Variants in SEPTIN2 observed in about 807,000 individuals in gnomAD.
SEPTIN2 encodes septin-2.
In SEPTIN2, 34 loss-of-function variants were observed where a neutral mutation model predicts 46.5. The observed-to-expected ratio is 0.73, with a 90% CI of 0.56 to 0.97. SEPTIN2 has a LOEUF of 0.97. SEPTIN2 is among the 50% of genes least tolerant of loss of function. The pLI, the probability that SEPTIN2 is intolerant of heterozygous loss-of-function variation, is 0.00. For synonymous variants in SEPTIN2, 175 were observed against 153.4 expected, an observed-to-expected ratio of 1.14 and a Z score of -1.04; for missense variants, 347 against 448.4, an observed-to-expected ratio of 0.77 and a Z score of 2.04.
chr2:241,343,821 C>T lies in SEPTIN2; in HGVS notation c.766C>T (p.Arg256Cys), dbSNP rs761089194. 18 of 1,614,156 alleles carry T rather than the reference C, an allele frequency of 1.1e-5. No homozygotes were observed. Among genetic ancestry groups the T allele is most frequent in the Non-Finnish European group, 1.4e-5 (17 of 1,180,028 alleles). The change falls in exon 9 of 13, where the codon CGC (arginine) becomes TGC (cysteine). Residue 256 changes from arginine to cysteine, a missense_variant. Coordinates refer to ENST00000391971, the MANE Select transcript of SEPTIN2 (RefSeq NM_004404.5). ...AGCCAAAGGAAAGAAGGTCAGAGGCCGCCTCTACCCCTGGGGTGTTGTGGA... is the reference window on the plus strand; with the variant it reads ...AGCCAAAGGAAAGAAGGTCAGAGGCTGCCTCTACCCCTGGGGTGTTGTGGA... ...IEAKGKKVRGRLYPWGVVEVE... is the reference protein window; with the variant it reads ...IEAKGKKVRGCLYPWGVVEVE...
intron 10 of SEPTIN2, among the ~76,000 whole-genome samples, chr2:241,347,532 G>C (rs1204447516): frequency 6.6e-6 from 1 of 152,178 alleles, no homozygotes; most frequent in East Asian, 1.9e-4. Flanking sequence ...CTCCTTAAAT[G>C]TGGTGACTAC....
At chr2:241,328,574 TAA>T (rs1004608825) in intron 3 of SEPTIN2, among the ~76,000 whole-genome samples, 1 of 140,474 alleles carries the variant, frequency 7.1e-6, no homozygotes, top group African/African-American at 2.6e-5. Context: ...CTGCCTTTAC[TAA>T]AAAAAAAAAT....
At chr2:241,348,466 G>T (rs987944752) in intron 11 of SEPTIN2, among the ~76,000 whole-genome samples, 9 of 152,080 alleles carry the variant, frequency 5.9e-5, no homozygotes, top group Admixed American at 1.3e-4. Context: ...CCTAACCTCA[G>T]GTGATCTGCC....
chr2:241,338,632 A>G (rs1264484879), intron 7 of SEPTIN2, among the ~76,000 whole-genome samples: 1 of 129,586 alleles, frequency 7.7e-6, no homozygotes, highest in Non-Finnish European at 1.6e-5. Flanking sequence ...TAATTAATAA[A>G]TATATATAAT....
chr2:241,316,505 G>T, intron 1 of SEPTIN2: 2 of 1,513,684 alleles, frequency 1.3e-6, no homozygotes, highest in Non-Finnish European at 1.8e-6. Flanking sequence ...ACTAGGCCCT[G>T]TCTGCGGGTA....
At chr2:241,329,870 C>T (rs1365603671) in intron 3 of SEPTIN2, among the ~76,000 whole-genome samples, 2 of 152,228 alleles carry the variant, frequency 1.3e-5, no homozygotes, top group African/African-American at 4.8e-5. Flanking sequence ...GGAAGAGCAA[C>T]AGGCTATGAC....
chr2:241,321,327 T>C (rs1390718489), intron 1 of SEPTIN2, among the ~76,000 whole-genome samples: 1 of 152,196 alleles, frequency 6.6e-6, no homozygotes, highest in Non-Finnish European at 1.5e-5. Context: ...CTACAGTGAT[T>C]ATTTGAATAT....
chr2:241,342,887 G>C, intron 7 of SEPTIN2, 105 bp from the exon 8 acceptor site: 1 of 658,652 alleles, frequency 1.5e-6, no homozygotes, highest in South Asian at 2.0e-5. Flanking sequence ...TTTGATTATT[G>C]ACATTTGTAT....
intron 3 of SEPTIN2, among the ~76,000 whole-genome samples, chr2:241,326,689 A>T (rs911978710): frequency 5.3e-5 from 8 of 152,126 alleles, no homozygotes; most frequent in Admixed American, 3.3e-4. Context: ...CTCACTCTGG[A>T]GGAAGCCAGC....
Position 241,325,975 on chromosome 2 carries a change from T to A in SEPTIN2, c.10-18T>A. The stretch of plus-strand genomic sequence containing the variant: ...ACTAAGGTGTTTATTAGTTTGTTTG[T>A]TTTTTAATCTTATTTAGCAACAGCC... On this transcript the variant is annotated intron_variant, in intron 2 of 12. Transcript: ENST00000391971. The A allele has an allele frequency of 6.2e-7, 1 of 1,607,184 alleles. No homozygotes were observed. The highest frequency in any genetic ancestry group is 8.5e-7 in the Non-Finnish European group (1 of 1,177,104).
chr2:241,327,523 T>C (rs1391541338), intron 3 of SEPTIN2, among the ~76,000 whole-genome samples: 1 of 136,788 alleles, frequency 7.3e-6, no homozygotes, highest in Non-Finnish European at 1.6e-5. Context: ...AAAAAAAACA[T>C]GAAAAAATAA....
At chr2:241,326,137 C>G in intron 3 of SEPTIN2, 24 bp downstream of exon 3, 1 of 1,594,940 alleles carries the variant, frequency 6.3e-7, no homozygotes, top group East Asian at 2.3e-5. Context: ...CTATAGTCTC[C>G]AACTTACTAA....
rs1264475325 is a variant in SEPTIN2 at position 241,337,377 on chromosome 2, C to T, written c.342-5C>T. 6.2e-7 allele frequency: 1 copy of T among 1,609,926 alleles called. No homozygotes were observed. Among genetic ancestry groups the T allele is most frequent in the South Asian group, 1.1e-5 (1 of 90,088 alleles). On this transcript the variant is annotated splice_region_variant and splice_polypyrimidine_tract_variant and intron_variant, in intron 5 of 12. Transcript: ENST00000391971. ...GATTATTGTTAATGTTTCTGTTTCT[C>T]TCAGTTTTAAGACAATTATCTCCTA...
chr2:241,335,342 CT>C (rs763776288), intron 4 of SEPTIN2, 130 bp downstream of exon 4: 16 of 1,553,042 alleles, frequency 1.0e-5, no homozygotes, highest in Admixed American at 3.9e-5. Flanking sequence ...AAGGAAAACA[CT>C]TTTATGGGGT....
At chr2:241,335,652 C>T (rs546342873) in intron 4 of SEPTIN2, 31 of 569,680 alleles carry the variant, frequency 5.4e-5, no homozygotes, top group African/African-American at 5.4e-4. Context: ...AAGACTTGGG[C>T]TGCTGCAAGA....
chr2:241,344,335 A>C (rs1201785632), intron 9 of SEPTIN2, among the ~76,000 whole-genome samples: 2 of 152,174 alleles, frequency 1.3e-5, no homozygotes, highest in Non-Finnish European at 2.9e-5. Context: ...GGCCCTGGTT[A>C]GCTTTTTGTG....
At position 241,325,889 on chromosome 2, in the gene SEPTIN2, T is replaced by A; in HGVS notation, c.10-104T>A. On this transcript the variant is annotated intron_variant, in intron 2 of 12. Coordinates refer to ENST00000391971, the MANE Select transcript of SEPTIN2 (RefSeq NM_004404.5). Reference sequence around the variant, plus strand: ...GAAGTGTTTATACTTTTTAAAAAATTTGTGAAAACTGATAACCTATGTTTG... The same window carrying A: ...GAAGTGTTTATACTTTTTAAAAAATATGTGAAAACTGATAACCTATGTTTG... The A allele has an allele frequency of 3.6e-6, 4 of 1,104,888 alleles. No homozygotes were observed. The South Asian group carries it at 5.6e-5, about 15-fold the overall frequency. 68.4% of individuals were successfully genotyped at this position (1,104,888 alleles called of 1,614,324 possible).
At chr2:241,332,594 T>G (rs766512276) in intron 3 of SEPTIN2, among the ~76,000 whole-genome samples, 2 of 152,220 alleles carry the variant, frequency 1.3e-5, no homozygotes, top group Non-Finnish European at 2.9e-5. Flanking sequence ...TGGTACTTCC[T>G]TAACAGTTAA....
intron 1 of SEPTIN2, among the ~76,000 whole-genome samples, chr2:241,322,048 T>TGATA (rs1379632140): frequency 6.6e-6 from 1 of 152,138 alleles, no homozygotes; most frequent in African/African-American, 2.4e-5. Flanking sequence ...CAAATAACAC[T>TGATA]GGGGATGCAG....
Sources: allele counts gnomAD v4.1 joint callset (sites outside exome capture counted in the v4.1 genomes callset), GRCh38; gene constraint gnomAD v4.1.1; transcripts MANE v1.5; gene names NCBI Gene and HGNC (gene_info 2026-07-23, HGNC 2026-07-21).